CNTN5: variants seen among roughly 807,000 people sequenced by gnomAD.
The protein encoded by CNTN5 is contactin-5.
Under a neutral mutation model 129.1 loss-of-function variants are expected in CNTN5, and 77 were observed. The ratio of observed to expected loss-of-function variants is 0.60; its 90% confidence interval spans 0.50 to 0.72. The LOEUF is 0.72. CNTN5 is among the 30% of genes least tolerant of loss of function. CNTN5 has a pLI of 0.00. For synonymous variants in CNTN5, 509 were observed against 465.6 expected, an observed-to-expected ratio of 1.09 and a Z score of -1.20; for missense variants, 1,478 against 1,328.8, an observed-to-expected ratio of 1.11 and a Z score of -1.75.
chr11:99,584,480 A>T (rs1464113497), intron 3 of CNTN5, among the ~76,000 whole-genome samples: 1 of 152,190 alleles, frequency 6.6e-6, no homozygotes, highest in African/African-American at 2.4e-5. Context: ...TTCTCTTGAC[A>T]TTGTTACTAA....
chr11:100,196,320 T>A (rs1948637324), intron 15 of CNTN5, among the ~76,000 whole-genome samples: 1 of 99,706 alleles, frequency 1.0e-5, no homozygotes. Context: ...GAAAAAGAGA[T>A]AACAATATTT....
chr11:99,322,667 A>C (rs531693645), intron 1 of CNTN5, among the ~76,000 whole-genome samples: 23 of 152,298 alleles, frequency 1.5e-4, no homozygotes, highest in African/African-American at 5.5e-4. Flanking sequence ...GGCAGAGTCT[A>C]TTCAAGACAG....
chr11:99,236,679 G>A (rs1861288373), intron 1 of CNTN5, among the ~76,000 whole-genome samples: 1 of 152,086 alleles, frequency 6.6e-6, no homozygotes, highest in Admixed American at 6.6e-5. Context: ...AAGTCATAAG[G>A]CAGAATGTTG....
chr11:99,591,267 T>TTTACCTC (rs910389219), intron 3 of CNTN5, among the ~76,000 whole-genome samples: 4 of 151,974 alleles, frequency 2.6e-5, no homozygotes, highest in African/African-American at 9.7e-5. Flanking sequence ...CATCTCATGA[T>TTTACCTC]TTACCTCTTC....
At position 99,239,937 on chromosome 11, in the gene CNTN5, A is replaced by C. The variant is rs1202088715; in HGVS notation, c.-209-85409A>C. Among the ~76,000 whole-genome samples the C allele has an allele frequency of 8.1e-4, 38 of 47,096 alleles. 1 individual carries two copies. Among genetic ancestry groups the C allele is most frequent in the Admixed American group, 6.3e-3 (33 of 5,210 alleles). The allele number at this position is 47,096 out of a possible 152,430, so 30.9% of individuals were successfully genotyped here. A position where few individuals can be genotyped will look rare whatever the true frequency, so the allele number is the denominator to read the frequency against. On this transcript the variant is annotated intron_variant, in intron 1 of 24. Coordinates refer to ENST00000524871, the MANE Select transcript of CNTN5 (RefSeq NM_014361.4). The stretch of plus-strand genomic sequence containing the variant: ...GGGCGACAGAGCGAGACTCCGTCTC[A>C]AAAAAAAAAAAAAAAAAAATTTAAA...
chr11:99,312,284 C>A (rs1481380116), intron 1 of CNTN5, among the ~76,000 whole-genome samples: 1 of 151,912 alleles, frequency 6.6e-6, no homozygotes. Context: ...TATGAAACAC[C>A]GGGGTTAAAG....
chr11:99,412,927 A>G (rs1239185308), intron 2 of CNTN5, among the ~76,000 whole-genome samples: 2 of 152,230 alleles, frequency 1.3e-5, no homozygotes, highest in Admixed American at 6.5e-5. Context: ...TAATTGTTTT[A>G]TTACCAGAGT....
chr11:99,250,392 A>C (rs533755556), intron 1 of CNTN5, among the ~76,000 whole-genome samples: 17 of 152,084 alleles, frequency 1.1e-4, no homozygotes, highest in Admixed American at 3.3e-4. Context: ...AAATACATGA[A>C]GGATATTAAA....
rs547782279 is a variant in CNTN5, at chr11:99,944,523, C to A, written c.674-12283C>A. 3.5e-4 allele frequency among the ~76,000 whole-genome samples: 53 copies of A among 151,980 alleles called. No homozygotes were observed. In the South Asian group the frequency reaches 0.011, roughly 30 times the overall value. ...GGAAGTTCTGGCCAGGGCAATCAGG[C>A]AAGAGAAAGAAATAAAGAGTATTCA... On this transcript the variant is annotated intron_variant, in intron 7 of 24. Coordinates refer to ENST00000524871, the MANE Select transcript of CNTN5 (RefSeq NM_014361.4).
chr11:99,893,469 G>T (rs1028763284), intron 6 of CNTN5, among the ~76,000 whole-genome samples: 2 of 152,114 alleles, frequency 1.3e-5, no homozygotes, highest in Non-Finnish European at 2.9e-5. Flanking sequence ...ATTCAATAAT[G>T]TATTAATTTA....
chr11:100,044,419 A>T (rs565875185), intron 9 of CNTN5, among the ~76,000 whole-genome samples: 2 of 152,094 alleles, frequency 1.3e-5, no homozygotes, highest in Non-Finnish European at 2.9e-5. Context: ...ACTGTTTTCG[A>T]TAGAGAATGT....
intron 6 of CNTN5, among the ~76,000 whole-genome samples, chr11:99,867,226 T>C (rs1219169326): frequency 6.6e-6 from 1 of 152,300 alleles, no homozygotes; most frequent in Admixed American, 6.5e-5. Context: ...CCCTTCATAT[T>C]GTTTTCTTCT....
At chr11:99,799,289 A>C (rs1172639082) in intron 3 of CNTN5, among the ~76,000 whole-genome samples, 2 of 151,586 alleles carry the variant, frequency 1.3e-5, no homozygotes, top group Non-Finnish European at 1.5e-5. Flanking sequence ...ATTATGTTAA[A>C]TAGGAGTGGT....
chr11:99,888,043 C>T (rs943273961), intron 6 of CNTN5, among the ~76,000 whole-genome samples: 3 of 152,114 alleles, frequency 2.0e-5, no homozygotes, highest in Non-Finnish European at 2.9e-5. Flanking sequence ...TCCTAATTCT[C>T]GGTTATCTCC....
At chr11:99,691,995 T>C (rs879671926) in intron 3 of CNTN5, among the ~76,000 whole-genome samples, 3 of 152,212 alleles carry the variant, frequency 2.0e-5, no homozygotes, top group Non-Finnish European at 4.4e-5. Flanking sequence ...CCATTTGTAA[T>C]GCCCTTCTTT....
At position 99,254,833 on chromosome 11, in the gene CNTN5, A is replaced by C. The variant is rs565185144; in HGVS notation, c.-209-70513A>C. ...GTTACCCCAATATTAACAAAGAGTA[A>C]AATGTGCTTAATAAAAGGTGAACCC... is the stretch of plus-strand genomic sequence containing the variant. On this transcript the variant is annotated intron_variant, in intron 1 of 24. Transcript: ENST00000524871. Among the ~76,000 whole-genome samples, 259 of 152,108 alleles carry C rather than the reference A, an allele frequency of 1.7e-3. 1 individual carries two copies. The highest frequency in any genetic ancestry group is 3.2e-3 in the Non-Finnish European group (214 of 67,892).
At chr11:99,760,492 A>T (rs989712476) in intron 3 of CNTN5, among the ~76,000 whole-genome samples, 1 of 152,082 alleles carries the variant, frequency 6.6e-6, no homozygotes, top group Non-Finnish European at 1.5e-5. Context: ...CTTTGGGTGA[A>T]TTTTTTGTTA....
chr11:99,033,341 C>A (rs942012181), intron 1 of CNTN5, among the ~76,000 whole-genome samples: 2 of 152,130 alleles, frequency 1.3e-5, no homozygotes, highest in African/African-American at 4.8e-5. Context: ...GGCATTGAAT[C>A]TGTAAATTAC....
intron 1 of CNTN5, among the ~76,000 whole-genome samples, chr11:99,308,546 A>C (rs1864970198): frequency 6.6e-6 from 1 of 152,184 alleles, no homozygotes; most frequent in African/African-American, 2.4e-5. Context: ...AAAATATAGA[A>C]CTTTCAGAAC....
Sources: allele counts gnomAD v4.1 joint callset (sites outside exome capture counted in the v4.1 genomes callset), GRCh38; gene constraint gnomAD v4.1.1; transcripts MANE v1.5; gene names NCBI Gene and HGNC (gene_info 2026-07-23, HGNC 2026-07-21).